HMGA2: variants seen among roughly 807,000 people sequenced by gnomAD.
HMGA2 encodes high mobility group protein HMGI-C.
Under a neutral mutation model 19.1 loss-of-function variants are expected in HMGA2, and 8 were observed. The ratio of observed to expected loss-of-function variants is 0.42; its 90% CI spans 0.25 to 0.76. HMGA2 has a LOEUF of 0.76. Among genes scored for constraint, HMGA2 ranks in the 30% least tolerant of loss-of-function variants. The pLI, the probability that HMGA2 is intolerant of heterozygous loss-of-function variation, is 0.28. For synonymous variants in HMGA2, 60 were observed against 48.8 expected (o/e 1.23, Z -0.96); for missense variants, 109 against 136.3 (o/e 0.80, Z 1.00).
At chr12:65,888,456 C>A (rs372165273) in intron 3 of HMGA2, among the ~76,000 whole-genome samples, 2 of 150,104 alleles carry the variant, frequency 1.3e-5, no homozygotes, top group Non-Finnish European at 1.5e-5. Flanking sequence ...CTCAGTCCCC[C>A]CCAAAAAAAG....
chr12:65,853,390 T>G lies in HMGA2; in HGVS notation c.249+14821T>G, dbSNP rs145584296. ...CCCCCATATTTGTACTGTATTAATC[T>G]TTTGGTTTCCTTGCCTCAATTCAGT... On this transcript the variant is annotated intron_variant, in intron 3 of 4. Transcript: ENST00000403681. Among the ~76,000 whole-genome samples, 27 of 152,320 alleles carry G rather than the reference T, an allele frequency of 1.8e-4. 1 individual carries two copies. The highest frequency in any genetic ancestry group is 6.3e-4 in the African/African-American group (26 of 41,566).
rs1471172688 is a variant in HMGA2, at chr12:65,825,422, C to G, written c.111+41C>G. On this transcript the variant is annotated intron_variant, in intron 1 of 4. Coordinates refer to ENST00000403681, the MANE Select transcript of HMGA2 (RefSeq NM_003483.6). This position sits in a 1 kb window ranked among gnomAD's most constrained non-coding sequence, Gnocchi z 4.4. The stretch of plus-strand genomic sequence containing the variant: ...CGGTGGGGGCACCAGCCCACCCCGT[C>G]CCCACTGCCGGGGCCCAGACACGCG... 2 of 1,409,516 alleles carry G rather than the reference C, an allele frequency of 1.4e-6. No homozygotes were observed. The highest frequency in any genetic ancestry group is 5.9e-5 in the East Asian group (2 of 34,120). The allele number at this position is 1,409,516 out of a possible 1,614,324, so 87.3% of individuals were successfully genotyped here.
intron 2 of HMGA2, among the ~76,000 whole-genome samples, chr12:65,834,882 A>C (rs2120856333): frequency 6.6e-6 from 1 of 152,360 alleles, no homozygotes; most frequent in Admixed American, 6.5e-5. Context: ...ATATCATAAA[A>C]TTAAGTGTAC....
chr12:65,908,068 T>G (rs1332567110), intron 3 of HMGA2, among the ~76,000 whole-genome samples: 1 of 152,208 alleles, frequency 6.6e-6, no homozygotes, highest in Non-Finnish European at 1.5e-5. Context: ...ACACTCTTTG[T>G]GGAGAAAAGA....
At chr12:65,874,321 A>G (rs957244698) in intron 3 of HMGA2, 2 of 152,088 alleles carry the variant, frequency 1.3e-5, no homozygotes, top group East Asian at 3.9e-4. Flanking sequence ...TATAAAGTCT[A>G]CTACTTAGTT....
chr12:65,951,611 A>C, intron 4 of HMGA2, 196 bp downstream of exon 4: 4 of 516,664 alleles, frequency 7.7e-6, no homozygotes, highest in East Asian at 3.2e-5. Flanking sequence ...ACCTCCCAAA[A>C]TGTAAGGTCT....
chr12:65,893,308 C>T (rs1314278423), intron 3 of HMGA2, among the ~76,000 whole-genome samples: 1 of 152,204 alleles, frequency 6.6e-6, no homozygotes, highest in Non-Finnish European at 1.5e-5. Context: ...CATTTAGTTT[C>T]ATGACAAGAT....
At chr12:65,922,819 C>T (rs998841531) in intron 3 of HMGA2, among the ~76,000 whole-genome samples, 118 of 152,026 alleles carry the variant, frequency 7.8e-4, no homozygotes, top group African/African-American at 2.4e-3. Flanking sequence ...TCATGGGGGC[C>T]GGTCTTTCCT....
intron 3 of HMGA2, among the ~76,000 whole-genome samples, chr12:65,909,320 A>G (rs934210263): frequency 1.3e-5 from 2 of 152,162 alleles, no homozygotes; most frequent in African/African-American, 4.8e-5. Context: ...TTAAAAGGAT[A>G]TAAGGTGTAG....
In HMGA2 at chr12:65,965,524, T is replaced by A. The variant is rs761384755; in HGVS notation, c.*2232T>A. ...GAGGTAGTTTCAAAGGCCACATACC[T>A]CTCTGAGACTGGCAGATCGCTCACT... On this transcript the variant is annotated 3_prime_UTR_variant, in exon 5 of 5. Coordinates refer to ENST00000403681, the MANE Select transcript of HMGA2 (RefSeq NM_003483.6). The A allele has an allele frequency of 9.5e-6, 2 of 209,702 alleles. No individual in the cohort carries two copies. 13.0% of individuals were successfully genotyped at this position (209,702 alleles called of 1,614,324 possible).
At position 65,825,403 on chromosome 12, in the gene HMGA2, G is replaced by A; in HGVS notation, c.111+22G>A. 1 of 1,488,996 alleles carries A rather than the reference G, an allele frequency of 6.7e-7. No homozygotes were observed. Among genetic ancestry groups the A allele is most frequent in the South Asian group, 1.2e-5 (1 of 80,438 alleles). 92.2% of individuals were successfully genotyped at this position (1,488,996 alleles called of 1,614,324 possible). On this transcript the variant is annotated intron_variant, in intron 1 of 4. Transcript: ENST00000403681. This position sits in a 1 kb window ranked among gnomAD's most constrained non-coding sequence, Gnocchi z 4.4. ...GCAAGTCAGTACGAGGGCGCGGTGG[G>A]GGCACCAGCCCACCCCGTCCCCACT...
chr12:65,952,536 A>G, intron 4 of HMGA2: 1 of 1,423,622 alleles, frequency 7.0e-7, no homozygotes, highest in Non-Finnish European at 9.2e-7. Context: ...CATGAAAAAA[A>G]TCATTTTCAT....
At chr12:65,910,972 C>G (rs9888386) in intron 3 of HMGA2, among the ~76,000 whole-genome samples, 4,498 of 152,264 alleles carry the variant, frequency 0.03, 238 homozygotes, top group African/African-American at 0.1. Context: ...TTCCTTCCAC[C>G]CCATTCTCTA....
chr12:65,871,246 T>C (rs1338059177), intron 3 of HMGA2, among the ~76,000 whole-genome samples: 1 of 152,208 alleles, frequency 6.6e-6, no homozygotes, highest in Admixed American at 6.5e-5. Flanking sequence ...ACAAATAAAG[T>C]ATTCCTGGGC....
chr12:65,825,196 C>T lies in HMGA2; in HGVS notation c.-75C>T, dbSNP rs1234732448. The T allele has an allele frequency of 1.4e-5, 19 of 1,344,606 alleles. 1 individual carries two copies. The East Asian group carries it at 1.7e-4, about 12-fold the overall frequency. 83.3% of individuals were successfully genotyped at this position (1,344,606 alleles called of 1,614,324 possible). On this transcript the variant is annotated 5_prime_UTR_variant, in exon 1 of 5. Coordinates refer to ENST00000403681, the MANE Select transcript of HMGA2 (RefSeq NM_003483.6). This position sits in a 1 kb window ranked among gnomAD's most constrained non-coding sequence, Gnocchi z 4.4. ...GTCCCCAGCCCTATCACCTCATCTC[C>T]CGAAAGGTGCTGGGCAGCTCCGGGG...
intron 3 of HMGA2, among the ~76,000 whole-genome samples, chr12:65,891,985 T>C (rs1873930784): frequency 6.6e-6 from 1 of 152,212 alleles, no homozygotes; most frequent in Non-Finnish European, 1.5e-5. Context: ...CCCTTCCTGC[T>C]CACTTAGTCA....
chr12:65,890,366 A>C (rs1025017510), intron 3 of HMGA2, among the ~76,000 whole-genome samples: 2 of 152,160 alleles, frequency 1.3e-5, no homozygotes, highest in Non-Finnish European at 2.9e-5. Flanking sequence ...GGACTGAATA[A>C]ATTAATAGGT....
At chr12:65,854,484 C>T (rs544470145) in intron 3 of HMGA2, among the ~76,000 whole-genome samples, 6 of 152,232 alleles carry the variant, frequency 3.9e-5, no homozygotes, top group South Asian at 2.1e-4. Flanking sequence ...TCCCCAGTTT[C>T]GCATGTACTT....
chr12:65,887,817 T>A, intron 3 of HMGA2, among the ~76,000 whole-genome samples: 1 of 151,856 alleles, frequency 6.6e-6, no homozygotes, highest in East Asian at 1.9e-4. Context: ...TGGAGTTGCG[T>A]CATTAGGAGC....
Sources: gnomAD v4.1 joint callset for allele counts (sites outside exome capture counted in the v4.1 genomes callset) on GRCh38, gnomAD v4.1.1 for gene constraint, Gnocchi (gnomAD v3.1) non-coding constraint, MANE v1.5 for transcripts, NCBI Gene and HGNC (gene_info 2026-07-23, HGNC 2026-07-21) for gene names.